The following COL5A2 variants were observed in gnomAD, a reference collection of about 807,000 sequenced individuals.
COL5A2 encodes the protein collagen alpha-2(V) chain.
COL5A2 carries 23 observed loss-of-function variants against 208.2 expected under a neutral mutation model. The observed-to-expected ratio is 0.11, with a 90% CI of 0.08 to 0.16. COL5A2 has a LOEUF of 0.16. Ranked by LOEUF, COL5A2 falls within the 10% of genes least tolerant of loss-of-function variation. The pLI is 1.00. For missense variants in COL5A2, 1,590 were observed against 1,956.4 expected, an observed-to-expected ratio of 0.81 and a Z score of 3.53; for synonymous variants, 625 against 628.5, an observed-to-expected ratio of 0.99 and a Z score of 0.08.
rs571426863 is a variant in COL5A2, at chr2:189,073,697, A to G, written c.1105-1604T>C. Among the ~76,000 whole-genome samples, 16 of 152,306 alleles carry G rather than the reference A, an allele frequency of 1.1e-4. No individual in the cohort carries two copies. The South Asian group carries it at 3.1e-3, about 30-fold the overall frequency. On this transcript the variant is annotated intron_variant, in intron 17 of 53. Transcript: ENST00000374866. ...ATATATGAAATAATTTATTCTAGAT[A>G]TCATTACATCTTCCTTTTAAAAGTC...
the COL5A2 span, among the ~76,000 whole-genome samples, chr2:189,279,430 T>A: frequency 6.6e-6 from 1 of 151,586 alleles, no homozygotes; most frequent in Non-Finnish European, 1.5e-5. Context: ...CATTTTCAAT[T>A]GGGTGGTATA....
chr2:189,141,281 A>T (rs1400949516), intron 1 of COL5A2, among the ~76,000 whole-genome samples: 1 of 152,192 alleles, frequency 6.6e-6, no homozygotes, highest in Non-Finnish European at 1.5e-5. Flanking sequence ...AATAAATACC[A>T]TCTAGTGTTT....
the COL5A2 span, among the ~76,000 whole-genome samples, chr2:189,330,049 T>C: frequency 6.6e-6 from 1 of 152,180 alleles, no homozygotes; most frequent in African/African-American, 2.4e-5. Context: ...AACAGTACTG[T>C]GTGGGCTGGT....
rs1283041203 is a variant in COL5A2 at position 189,115,379 on chromosome 2, A to AT, written c.98-4931dup. ...ACTATATGGTATGCCCTGCATCCAC[A>AT]TTTTTTCACACAATTACACCTGTGG... is the stretch of plus-strand genomic sequence containing the variant. On this transcript the variant is annotated intron_variant, in intron 1 of 53. Transcript: ENST00000374866. 2.0e-5 allele frequency among the ~76,000 whole-genome samples: 3 copies of AT among 150,450 alleles called. No individual in the cohort carries two copies. In the East Asian group the frequency reaches 5.8e-4, roughly 29 times the overall value.
chr2:189,405,523 C>A, the COL5A2 span, among the ~76,000 whole-genome samples: 2 of 152,150 alleles, frequency 1.3e-5, no homozygotes, highest in Non-Finnish European at 2.9e-5. Flanking sequence ...AGCCACCGTG[C>A]CTGGCCTAAT....
At chr2:189,209,206 T>C (rs1409322863) in intron 1 of COL5A2, among the ~76,000 whole-genome samples, 1 of 152,214 alleles carries the variant, frequency 6.6e-6, no homozygotes, top group African/African-American at 2.4e-5. Flanking sequence ...ATTCTTTATA[T>C]TGAAAAACTC....
chr2:189,120,146 A>G (rs1255516140), intron 1 of COL5A2, among the ~76,000 whole-genome samples: 1 of 152,108 alleles, frequency 6.6e-6, no homozygotes, highest in Non-Finnish European at 1.5e-5. Flanking sequence ...ACAAAAGAAA[A>G]CTTTGGATCA....
At chr2:189,215,437 A>G (rs1559147903) in intron 1 of COL5A2, among the ~76,000 whole-genome samples, 1 of 152,230 alleles carries the variant, frequency 6.6e-6, no homozygotes, top group Non-Finnish European at 1.5e-5. Context: ...AGCATAAAAA[A>G]TAAAATATAA....
upstream of COL5A2, among the ~76,000 whole-genome samples, chr2:189,226,534 G>A (rs116256977): frequency 0.016 from 2,362 of 152,190 alleles, 56 homozygotes; most frequent in African/African-American, 0.054. Context: ...TTTTGGATTC[G>A]ATTCTCCCTG....
chr2:189,304,991 T>C, the COL5A2 span, among the ~76,000 whole-genome samples: 1 of 151,790 alleles, frequency 6.6e-6, no homozygotes. Flanking sequence ...CTTATGAGGC[T>C]CATAAAAAAG....
chr2:189,061,932 T>C (rs1186311243), intron 29 of COL5A2, among the ~76,000 whole-genome samples: 1 of 152,184 alleles, frequency 6.6e-6, no homozygotes, highest in African/African-American at 2.4e-5. Context: ...CTTTTGTATA[T>C]GTAATCTAAA....
the COL5A2 span, among the ~76,000 whole-genome samples, chr2:189,320,650 GA>G: frequency 2.0e-4 from 31 of 152,340 alleles, no homozygotes; most frequent in African/African-American, 7.0e-4. Context: ...AAGCCTCCAA[GA>G]AATATGGGAC....
At chr2:189,184,164 G>C (rs753377239), upstream of COL5A2, among the ~76,000 whole-genome samples, 4 of 152,010 alleles carry the variant, frequency 2.6e-5, no homozygotes, top group Non-Finnish European at 5.9e-5. Context: ...TAAACAGTCA[G>C]TTATTTAAGA....
chr2:189,391,105 T>A, the COL5A2 span, among the ~76,000 whole-genome samples: 1 of 152,190 alleles, frequency 6.6e-6, no homozygotes, highest in Non-Finnish European at 1.5e-5. Context: ...AAGATTTTTT[T>A]AAACTACTTA....
intron 1 of COL5A2, among the ~76,000 whole-genome samples, chr2:189,208,892 G>T (rs1689174694): frequency 6.6e-6 from 1 of 152,124 alleles, no homozygotes; most frequent in African/African-American, 2.4e-5. Flanking sequence ...AAGGAAAAAA[G>T]ACTCCCTTTC....
chr2:189,406,437 T>C, the COL5A2 span, among the ~76,000 whole-genome samples: 1 of 152,258 alleles, frequency 6.6e-6, no homozygotes, highest in East Asian at 1.9e-4. Flanking sequence ...AAAGCATATA[T>C]TGCTAAAATT....
At chr2:189,250,415 T>A in the COL5A2 span, among the ~76,000 whole-genome samples, 1 of 152,334 alleles carries the variant, frequency 6.6e-6, no homozygotes, top group African/African-American at 2.4e-5. Flanking sequence ...CTTAGCCAAG[T>A]AACAAAGTTT....
chr2:189,155,729 A>G (rs1288681172), intron 1 of COL5A2, among the ~76,000 whole-genome samples: 1 of 151,992 alleles, frequency 6.6e-6, no homozygotes, highest in African/African-American at 2.4e-5. Flanking sequence ...AGTTTCTGTC[A>G]TAATAAACTA....
intron 1 of COL5A2, among the ~76,000 whole-genome samples, chr2:189,116,253 T>C (rs903031285): frequency 6.6e-6 from 1 of 152,216 alleles, no homozygotes; most frequent in African/African-American, 2.4e-5. Flanking sequence ...CGTGTCAGTC[T>C]GGATGCCACA....
Sources: gnomAD v4.1 joint callset for allele counts (sites outside exome capture counted in the v4.1 genomes callset) on GRCh38, gnomAD v4.1.1 for gene constraint, MANE v1.5 for transcripts, NCBI Gene and HGNC (gene_info 2026-07-23, HGNC 2026-07-21) for gene names.